The following CEP72 variants were observed in gnomAD, a reference collection of about 807,000 sequenced individuals.
CEP72 encodes the protein centrosomal protein of 72 kDa.
In CEP72, 78 loss-of-function variants were observed where a neutral mutation model predicts 65.7. The ratio of observed to expected loss-of-function variants is 1.19; its 90% confidence interval spans 0.99 to 1.43. The LOEUF (loss-of-function observed/expected upper bound fraction) is 1.43. CEP72 is among the 40% of genes most tolerant of loss of function. CEP72 has a pLI of 0.00. For synonymous variants in CEP72, 358 were observed against 351.7 expected (o/e 1.02, Z -0.20); for missense variants, 914 against 832.9 (o/e 1.10, Z -1.20).
chr5:639,983 G>A (rs549488503), intron 8 of CEP72, among the ~76,000 whole-genome samples: 4 of 152,308 alleles, frequency 2.6e-5, no homozygotes, highest in African/African-American at 7.2e-5. Context: ...TCCCTAGGCT[G>A]GTGTCCTGTG....
At chr5:640,756 C>T (rs1200422263) in intron 9 of CEP72, 152 bp downstream of exon 9, 1 of 1,435,802 alleles carries the variant, frequency 7.0e-7, no homozygotes, top group Non-Finnish European at 9.1e-7. Flanking sequence ...GACCCGGCCA[C>T]CCCCGGAACG....
downstream of CEP72, among the ~76,000 whole-genome samples, chr5:669,215 C>T (rs376301195): frequency 1.7e-4 from 26 of 152,312 alleles, 1 homozygote; most frequent in South Asian, 5.4e-3. Flanking sequence ...ACGCAGGGCA[C>T]ATTCCAGACC....
At chr5:665,610 C>T (rs1276000558) in intron 3 of CEP72, among the ~76,000 whole-genome samples, 1 of 131,492 alleles carries the variant, frequency 7.6e-6, no homozygotes, top group Non-Finnish European at 1.8e-5. Context: ...CAGGCTATGC[C>T]CCCCCAATCC....
chr5:621,717 G>C (rs955535966), intron 3 of CEP72, among the ~76,000 whole-genome samples: 1 of 152,244 alleles, frequency 6.6e-6, no homozygotes, highest in Admixed American at 6.5e-5. Context: ...AGGGAGGACT[G>C]GCCTGCGGTA....
intron 9 of CEP72, among the ~76,000 whole-genome samples, chr5:643,833 C>T (rs1361486132): frequency 1.3e-5 from 2 of 152,240 alleles, no homozygotes; most frequent in African/African-American, 4.8e-5. Flanking sequence ...TCCAGGTCTT[C>T]TCCATACTTT....
intron 3 of CEP72, among the ~76,000 whole-genome samples, chr5:622,659 A>G (rs756837718): frequency 1.3e-5 from 2 of 152,244 alleles, no homozygotes; most frequent in Non-Finnish European, 2.9e-5. Context: ...CCTTGGGAGC[A>G]TGCGGCGTGC....
At chr5:635,294 A>G in intron 5 of CEP72, 78 bp from the exon 6 acceptor site, 1 of 1,151,870 alleles carries the variant, frequency 8.7e-7, no homozygotes, top group East Asian at 2.6e-5. Context: ...CACTATTCAG[A>G]AGCTTAAAAT....
In CEP72 at chr5:624,408, C is replaced by T. The variant is rs1736597698; in HGVS notation, c.404-63C>T. On this transcript the variant is annotated intron_variant, in intron 3 of 11. Coordinates refer to ENST00000264935, the MANE Select transcript of CEP72 (RefSeq NM_018140.4). The surrounding 1 kb of genome is among the most constrained non-coding windows in gnomAD (Gnocchi z 4.7). ...GACACCCTGCCCCGTGTAGATGCCC[C>T]AGGGTGGATGCAGCCGCCCGCCGCT... is the stretch of plus-strand genomic sequence containing the variant. The T allele has an allele frequency of 1.7e-6, 2 of 1,191,270 alleles. No homozygotes were observed. Among genetic ancestry groups the T allele is most frequent in the Non-Finnish European group, 2.5e-6 (2 of 799,342 alleles). 73.8% of individuals were successfully genotyped at this position (1,191,270 alleles called of 1,614,324 possible).
intron 1 of CEP72, among the ~76,000 whole-genome samples, chr5:617,840 G>T (rs1736093793): frequency 1.3e-5 from 2 of 152,192 alleles, no homozygotes; most frequent in Non-Finnish European, 2.9e-5. Context: ...ACTCCAGCAT[G>T]GGCAACAGAG....
At chr5:650,491 CTG>C (rs1455048670) in intron 11 of CEP72, among the ~76,000 whole-genome samples, 7 of 77,072 alleles carry the variant, frequency 9.1e-5, no homozygotes, top group African/African-American at 3.4e-4. Context: ...GAGGTGTGGA[CTG>C]TGAGGTGTGA....
At chr5:636,492 T>C (rs1257286520) in intron 6 of CEP72, among the ~76,000 whole-genome samples, 1 of 152,202 alleles carries the variant, frequency 6.6e-6, no homozygotes, top group African/African-American at 2.4e-5. Context: ...TGGCCACCTA[T>C]GTGGCATAAG....
intron 5 of CEP72, among the ~76,000 whole-genome samples, chr5:635,041 G>A (rs532981583): frequency 5.9e-5 from 9 of 152,208 alleles, no homozygotes; most frequent in East Asian, 1.9e-4. Context: ...GACTACAGGC[G>A]CCCACCACCA....
Position 653,338 on chromosome 5 carries a change from A to G in CEP72, c.*185A>G. 1.9e-6 allele frequency: 1 copy of G among 532,854 alleles called. No individual in the cohort carries two copies. Among genetic ancestry groups the G allele is most frequent in the Non-Finnish European group, 3.2e-6 (1 of 310,792 alleles). 33.0% of individuals were successfully genotyped at this position (532,854 alleles called of 1,614,324 possible). A position where few individuals can be genotyped will look rare whatever the true frequency, so the allele number is the denominator to read the frequency against. ...TTTCTAAAGCACCTCGTAAAATGAT[A>G]TGATTACTCCAAGCCCTCTGCATGT... On this transcript the variant is annotated 3_prime_UTR_variant, in exon 12 of 12. Transcript: ENST00000264935.
the CEP72 span, among the ~76,000 whole-genome samples, chr5:675,549 C>T: frequency 1.8e-4 from 7 of 39,050 alleles, no homozygotes; most frequent in Admixed American, 1.0e-3. Flanking sequence ...GCCGTGTGGC[C>T]GGGGGTGCAG....
intron 1 of CEP72, among the ~76,000 whole-genome samples, chr5:613,578 G>T (rs1735813483): frequency 6.6e-6 from 1 of 152,204 alleles, no homozygotes; most frequent in Admixed American, 6.5e-5. Flanking sequence ...TGTTGGCCAG[G>T]CTGGTCTTGA....
At chr5:649,057 G>A (rs1738689560) in intron 11 of CEP72, among the ~76,000 whole-genome samples, 1 of 144,928 alleles carries the variant, frequency 6.9e-6, no homozygotes, top group Non-Finnish European at 1.5e-5. Context: ...AGGTGTGACT[G>A]TGAGGTGTGG....
rs1440232267 is a variant in CEP72, at chr5:624,047, G to A, written c.404-424G>A. On this transcript the variant is annotated intron_variant, in intron 3 of 11. Coordinates refer to ENST00000264935, the MANE Select transcript of CEP72 (RefSeq NM_018140.4). The surrounding 1 kb of genome is among the most constrained non-coding windows in gnomAD (Gnocchi z 4.7). ...GTGGGAGCCTGGTGGCCCCAGGTAC[G>A]CACGTCCCTGAGGCCCAGCCCTAAG... Among the ~76,000 whole-genome samples the A allele has an allele frequency of 6.6e-6, 1 of 152,152 alleles. No homozygotes were observed. The highest frequency in any genetic ancestry group is 1.9e-4 in the East Asian group (1 of 5,184).
At chr5:673,292 CT>C in the CEP72 span, among the ~76,000 whole-genome samples, 43 of 152,300 alleles carry the variant, frequency 2.8e-4, no homozygotes, top group African/African-American at 9.6e-4. Context: ...TTTTAGGCCC[CT>C]TGCTGCTGTA....
chr5:615,421 G>A (rs879776611), intron 1 of CEP72, among the ~76,000 whole-genome samples: 1 of 152,124 alleles, frequency 6.6e-6, no homozygotes, highest in Non-Finnish European at 1.5e-5. Flanking sequence ...TGTGAGCCAC[G>A]GTGCCTGGGC....
Sources: allele counts gnomAD v4.1 joint callset (sites outside exome capture counted in the v4.1 genomes callset), GRCh38; gene constraint gnomAD v4.1.1; non-coding constraint Gnocchi (gnomAD v3.1); transcripts MANE v1.5; gene names NCBI Gene and HGNC (gene_info 2026-07-23, HGNC 2026-07-21).